WDFY1: variants seen among roughly 807,000 people sequenced by gnomAD.
WDFY1 encodes the protein WD repeat and FYVE domain-containing protein 1.
A neutral mutation model predicts 56.4 loss-of-function variants in WDFY1; 32 were observed. The observed-to-expected ratio is 0.57, with a 90% CI of 0.43 to 0.76. The LOEUF is 0.76. Among genes scored for constraint, WDFY1 ranks in the 30% least tolerant of loss-of-function variants. WDFY1 has a pLI of 0.00. For missense variants in WDFY1, 480 were observed against 545.7 expected, an observed-to-expected ratio of 0.88 and a Z score of 1.20; for synonymous variants, 192 against 197.3, an observed-to-expected ratio of 0.97 and a Z score of 0.23.
At chr2:223,914,674 G>C (rs73994434) in intron 2 of WDFY1, among the ~76,000 whole-genome samples, 2,044 of 152,234 alleles carry the variant, frequency 0.013, 38 homozygotes, top group Middle Eastern at 0.058. Flanking sequence ...AGCATGGATT[G>C]GAATTCCAAT....
intron 1 of WDFY1, among the ~76,000 whole-genome samples, chr2:223,926,201 C>T (rs1693975660): frequency 1.3e-5 from 2 of 152,170 alleles, no homozygotes; most frequent in Admixed American, 1.3e-4. Context: ...GGCTGGAGTG[C>T]AGTAGCACAA....
intron 3 of WDFY1, among the ~76,000 whole-genome samples, chr2:223,908,442 C>T (rs1460799031): frequency 6.6e-6 from 1 of 152,202 alleles, no homozygotes; most frequent in African/African-American, 2.4e-5. Flanking sequence ...CCTCTCCCTC[C>T]TGCCCTTGAC....
At chr2:223,904,165 T>G (rs1693559066) in intron 4 of WDFY1, among the ~76,000 whole-genome samples, 2 of 152,368 alleles carry the variant, frequency 1.3e-5, no homozygotes, top group South Asian at 4.1e-4. Flanking sequence ...GAAAGTGTTA[T>G]CATTCATTGT....
intron 11 of WDFY1, among the ~76,000 whole-genome samples, chr2:223,879,154 T>C (rs1369606633): frequency 6.6e-6 from 1 of 152,222 alleles, no homozygotes; most frequent in African/African-American, 2.4e-5. Flanking sequence ...ACCACTACAC[T>C]ACAGTCTGGG....
chr2:223,887,202 T>C (rs1319468284), intron 8 of WDFY1, among the ~76,000 whole-genome samples: 2 of 152,202 alleles, frequency 1.3e-5, no homozygotes, highest in East Asian at 1.9e-4. Context: ...GTGGGGATAC[T>C]ACCTGGGGAC....
Position 223,878,557 on chromosome 2 carries a change from T to C in WDFY1, c.*114A>G. Reference sequence around the variant, plus strand: ...TACATTTTCTTTTTAAAAATGTTGATTTGTTTGTAAGTGGCTACTGTCCAT... The same window carrying C: ...TACATTTTCTTTTTAAAAATGTTGACTTGTTTGTAAGTGGCTACTGTCCAT... On this transcript the variant is annotated 3_prime_UTR_variant, in exon 12 of 12. Coordinates refer to ENST00000233055, the MANE Select transcript of WDFY1 (RefSeq NM_020830.5). 1.3e-6 allele frequency: 1 copy of C among 767,168 alleles called. No individual in the cohort carries two copies. The highest frequency in any genetic ancestry group is 1.7e-5 in the South Asian group (1 of 58,686). The allele number at this position is 767,168 out of a possible 1,614,324, so 47.5% of individuals were successfully genotyped here.
intron 9 of WDFY1, 40 bp from the exon 10 acceptor site, chr2:223,882,112 T>G (rs772450594): frequency 1.3e-6 from 2 of 1,594,256 alleles, no homozygotes; most frequent in Non-Finnish European, 1.7e-6. Context: ...GGGTGTTAGC[T>G]TTCGCTTTTT....
chr2:223,932,441 T>C (rs1443865845), intron 1 of WDFY1, among the ~76,000 whole-genome samples: 2 of 152,136 alleles, frequency 1.3e-5, no homozygotes, highest in East Asian at 3.9e-4. Context: ...GAAATTGATG[T>C]CCAGACTTTA....
chr2:223,924,939 A>G (rs976560644), intron 1 of WDFY1, among the ~76,000 whole-genome samples: 3 of 152,198 alleles, frequency 2.0e-5, no homozygotes, highest in Non-Finnish European at 2.9e-5. Context: ...CACCTGCCCA[A>G]TAATAATGAC....
chr2:223,879,707 A>G (rs1239800445), intron 11 of WDFY1, among the ~76,000 whole-genome samples: 1 of 152,140 alleles, frequency 6.6e-6, no homozygotes, highest in Non-Finnish European at 1.5e-5. Flanking sequence ...ATTTCAATTT[A>G]TGTGTTAGTG....
At position 223,945,224 on chromosome 2, in the gene WDFY1, C is replaced by A. The variant is rs753933311; in HGVS notation, c.61G>T (p.Glu21Ter). 1 of 1,598,112 alleles carries A rather than the reference C, an allele frequency of 6.3e-7. No individual in the cohort carries two copies. Among genetic ancestry groups the A allele is most frequent in the Non-Finnish European group, 8.5e-7 (1 of 1,175,356 alleles). The change falls in exon 1 of 12, where the codon GAG (glutamate) becomes TAG (stop). Residue 21 changes from glutamate (E) to a stop codon, truncating the protein, a stop_gained. Coordinates refer to ENST00000233055, the MANE Select transcript of WDFY1 (RefSeq NM_020830.5). LOFTEE classifies it high-confidence loss of function. Reference sequence around the variant, plus strand: ...GCCGTGACGGCGTCCTGGTGCCCCTCGATCTTGCTCAGCAGCACCGGGCGG... The same window carrying A: ...GCCGTGACGGCGTCCTGGTGCCCCTAGATCTTGCTCAGCAGCACCGGGCGG... ...SSRPVLLSKI[E>*]GHQDAVTAAL...
chr2:223,918,081 A>C (rs1309806103), intron 1 of WDFY1, 71 bp from the exon 2 acceptor site: 5 of 1,522,024 alleles, frequency 3.3e-6, no homozygotes, highest in Non-Finnish European at 4.5e-6. Flanking sequence ...ATGAGAACTT[A>C]ATTTTTAAAA....
chr2:223,895,552 C>T lies in WDFY1; in HGVS notation c.677G>A (p.Trp226Ter). Residue 226 changes from tryptophan (W) to a stop codon, truncating the protein, a stop_gained, in exon 7 of 12, where the codon TGG (tryptophan) becomes TAG (stop). Coordinates refer to ENST00000233055, the MANE Select transcript of WDFY1 (RefSeq NM_020830.5). LOFTEE classifies it high-confidence loss of function. ...SGASDNSIIM[W>*]DIGGRKGRTL... ...CCGGCCTTTCCTTCCTCCGATGTCC[C>T]ACATGATGATGCTGTTGTCAGATGC... The T allele has an allele frequency of 6.2e-7, 1 of 1,614,032 alleles. No homozygotes were observed. Among genetic ancestry groups the T allele is most frequent in the Non-Finnish European group, 8.5e-7 (1 of 1,179,986 alleles).
Position 223,901,229 on chromosome 2 carries a change from T to C in WDFY1, c.439A>G (p.Asn147Asp). The C allele has an allele frequency of 6.2e-7, 1 of 1,614,066 alleles. No individual in the cohort carries two copies. Among genetic ancestry groups the C allele is most frequent in the Non-Finnish European group, 8.5e-7 (1 of 1,180,004 alleles). The stretch of plus-strand genomic sequence containing the variant: ...GTGAAGAAGTGCCTCCCGAGCATGT[T>C]CCCGCTCCGCGTGCACATCCAGCTC... ...CVSWMCTRSG[N>D]MLGRHFFTSW... The change falls in exon 5 of 12, where the codon AAC (asparagine) becomes GAC (aspartate). Residue 147 changes from asparagine (N) to aspartate (D), a missense_variant. By Grantham distance (23) the Asn-to-Asp change is conservative. Coordinates refer to ENST00000233055, the MANE Select transcript of WDFY1 (RefSeq NM_020830.5).
rs1287124589 is a variant in WDFY1, at chr2:223,912,290, C to T, written c.242G>A (p.Arg81Lys). Residue 81 changes from arginine (R) to lysine (K), a missense_variant, in exon 3 of 12, where the codon AGA (arginine) becomes AAA (lysine). By Grantham distance (26) the Arg-to-Lys change is conservative. Transcript: ENST00000233055. Reference sequence around the variant, plus strand: ...ATTATCCTGGCCCACAAATATCCGTCTGCTGTCATGATGGTAAGCCATAGC... The same window carrying T: ...ATTATCCTGGCCCACAAATATCCGTTTGCTGTCATGATGGTAAGCCATAGC... ...CSAMAYHHDS[R>K]RIFVGQDNGA... 3 of 1,611,054 alleles carry T rather than the reference C, an allele frequency of 1.9e-6. No individual in the cohort carries two copies. Among genetic ancestry groups the T allele is most frequent in the Non-Finnish European group, 2.5e-6 (3 of 1,179,226 alleles).
intron 8 of WDFY1, among the ~76,000 whole-genome samples, chr2:223,888,818 C>T (rs1392422278): frequency 6.7e-6 from 1 of 149,852 alleles, no homozygotes; most frequent in East Asian, 2.0e-4. Flanking sequence ...AAACTCCTGA[C>T]CTCAAGTGAT....
chr2:223,909,290 T>C (rs989955343), intron 3 of WDFY1, among the ~76,000 whole-genome samples: 2 of 152,116 alleles, frequency 1.3e-5, no homozygotes, highest in African/African-American at 4.8e-5. Flanking sequence ...GAAATTCAGC[T>C]TACATAACGT....
At chr2:223,910,548 ACAACT>A (rs899689489) in intron 3 of WDFY1, among the ~76,000 whole-genome samples, 3 of 152,112 alleles carry the variant, frequency 2.0e-5, no homozygotes, top group Non-Finnish European at 4.4e-5. Flanking sequence ...AAAAACTCTT[ACAACT>A]CAACAATTAA....
At chr2:223,890,723 C>T (rs931320597) in intron 8 of WDFY1, among the ~76,000 whole-genome samples, 1 of 152,190 alleles carries the variant, frequency 6.6e-6, no homozygotes, top group Non-Finnish European at 1.5e-5. Flanking sequence ...AGAATAAATT[C>T]CATTGCTCTA....
Sources: allele counts gnomAD v4.1 joint callset (sites outside exome capture counted in the v4.1 genomes callset), GRCh38; gene constraint gnomAD v4.1.1; transcripts MANE v1.5; gene names NCBI Gene and HGNC (gene_info 2026-07-23, HGNC 2026-07-21).